The following TTC3 variants were observed in gnomAD, a reference collection of about 807,000 sequenced individuals.
The protein encoded by TTC3 is tetratricopeptide repeat domain 3.
A neutral mutation model predicts 249.6 loss-of-function variants in TTC3; 180 were observed. The observed-to-expected ratio is 0.72, with a 90% CI of 0.64 to 0.82. The LOEUF (loss-of-function observed/expected upper bound fraction) is 0.82. TTC3 is among the 40% of genes least tolerant of loss of function. The pLI is 0.00. For missense variants in TTC3, 2,061 were observed against 2,398.4 expected (o/e 0.86, Z 2.94); for synonymous variants, 717 against 805.0 (o/e 0.89, Z 1.85).
intron 28 of TTC3, among the ~76,000 whole-genome samples, chr21:37,158,557 A>G (rs945136707): frequency 2.6e-5 from 4 of 152,190 alleles, no homozygotes; most frequent in Non-Finnish European, 4.4e-5. Flanking sequence ...GTGTTTGACA[A>G]TGTCATGAGT....
At chr21:37,082,254 A>T (rs2147627753) in intron 1 of TTC3, 1 of 150,644 alleles carries the variant, frequency 6.6e-6, no homozygotes, top group East Asian at 2.0e-4. Context: ...GATTTTTGTG[A>T]CTCTATAGCT....
At position 37,073,492 on chromosome 21, in the gene TTC3, G is replaced by A; in HGVS notation, c.-12+128G>A. The A allele has an allele frequency of 2.0e-6, 2 of 986,040 alleles. No homozygotes were observed. Among genetic ancestry groups the A allele is most frequent in the Non-Finnish European group, 1.2e-6 (1 of 830,462 alleles). The allele number at this position is 986,040 out of a possible 1,614,324, so 61.1% of individuals were successfully genotyped here. ...GTGTGTGGTGAGTGTGGGTGTGTGCGCGTCTCCTCGCGTCCCTCGCTGAGG... is the reference window on the plus strand; with the variant it reads ...GTGTGTGGTGAGTGTGGGTGTGTGCACGTCTCCTCGCGTCCCTCGCTGAGG... On this transcript the variant is annotated intron_variant, in intron 1 of 45. Transcript: ENST00000355666.
chr21:37,144,774 T>C, intron 21 of TTC3, 129 bp downstream of exon 21: 1 of 1,129,036 alleles, frequency 8.9e-7, no homozygotes, highest in East Asian at 2.6e-5. Flanking sequence ...TCCCCTCTAC[T>C]GTCTAATGAG....
Position 37,200,490 on chromosome 21 carries a change from G to C in TTC3, c.5943+166G>C, listed in dbSNP as rs867832647. Among the ~76,000 whole-genome samples, 8 of 152,302 alleles carry C rather than the reference G, an allele frequency of 5.3e-5. No homozygotes were observed. The South Asian group carries it at 1.7e-3, about 32-fold the overall frequency. Reference sequence around the variant, plus strand: ...TCAGTGCCTCCCTGTCCTCACACCAGCTCTGCAGGAAGGGCAGCTCTGGAG... The same window carrying C: ...TCAGTGCCTCCCTGTCCTCACACCACCTCTGCAGGAAGGGCAGCTCTGGAG... On this transcript the variant is annotated intron_variant, in intron 45 of 45. Coordinates refer to ENST00000355666, the Ensembl canonical transcript of TTC3.
chr21:37,192,387 T>G (rs1476916182), intron 41 of TTC3, among the ~76,000 whole-genome samples, 174 bp downstream of exon 41: 1 of 152,194 alleles, frequency 6.6e-6, no homozygotes, highest in Non-Finnish European at 1.5e-5. Context: ...CATTCTTATA[T>G]AAAATAGATC....
At chr21:37,151,979 TGGA>T (rs997126120) in exon 26 of TTC3, 12 of 1,605,210 alleles carry the variant, frequency 7.5e-6, no homozygotes, top group Middle Eastern at 3.3e-4. Context: ...CAAGAAAGAA[TGGA>T]GGAGGACTTA....
chr21:37,106,081 T>G (rs2075051840), intron 10 of TTC3, among the ~76,000 whole-genome samples: 1 of 152,196 alleles, frequency 6.6e-6, no homozygotes, highest in Non-Finnish European at 1.5e-5. Flanking sequence ...CACTTACTAT[T>G]TTTCATCTTT....
chr21:37,197,892 G>C, exon 44 of TTC3: 6 of 1,612,728 alleles, frequency 3.7e-6, no homozygotes, highest in South Asian at 1.1e-5. Flanking sequence ...CCAAACCCAG[G>C]AAAGGACAAG....
intron 14 of TTC3, 93 bp from the exon 15 acceptor site, chr21:37,125,987 C>A: frequency 1.6e-6 from 2 of 1,218,668 alleles, no homozygotes; most frequent in South Asian, 1.4e-5. Context: ...TGAATTCTAT[C>A]CTATTCTATT....
chr21:37,115,322 T>C (rs956074094), intron 11 of TTC3, among the ~76,000 whole-genome samples: 1 of 152,074 alleles, frequency 6.6e-6, no homozygotes, highest in East Asian at 1.9e-4. Flanking sequence ...TGAGTAAATA[T>C]TACAATGTCA....
chr21:37,150,390 T>C (rs58847857), intron 24 of TTC3, among the ~76,000 whole-genome samples: 3,152 of 152,162 alleles, frequency 0.021, 99 homozygotes, highest in African/African-American at 0.073. Flanking sequence ...AAAGGAGGCT[T>C]TTTATATCTT....
At chr21:37,116,101 C>T (rs1228835971) in intron 11 of TTC3, among the ~76,000 whole-genome samples, 1 of 152,194 alleles carries the variant, frequency 6.6e-6, no homozygotes, top group Non-Finnish European at 1.5e-5. Context: ...TGGTTCACTT[C>T]ACTCTTGAAT....
intron 10 of TTC3, among the ~76,000 whole-genome samples, chr21:37,099,697 A>T (rs1181315990): frequency 6.6e-6 from 1 of 152,230 alleles, no homozygotes; most frequent in Non-Finnish European, 1.5e-5. Context: ...TCTCATATTC[A>T]GCTGGAGAAA....
Position 37,185,441 on chromosome 21 carries a change from A to G in TTC3, c.4758-265A>G, listed in dbSNP as rs577840610. Among the ~76,000 whole-genome samples the G allele has an allele frequency of 2.0e-5, 3 of 152,298 alleles. No individual in the cohort carries two copies. The Middle Eastern group carries it at 0.01, about 518-fold the overall frequency. On this transcript the variant is annotated intron_variant, in intron 36 of 45. Coordinates refer to ENST00000355666, the Ensembl canonical transcript of TTC3. ...CCTGTGTTCTCTGCTTGAGCTGCAC[A>G]TCTTAGACTGAGATAGGGTGATTTA...
intron 11 of TTC3, among the ~76,000 whole-genome samples, chr21:37,112,244 G>A (rs111953717): frequency 1.3e-5 from 2 of 152,142 alleles, no homozygotes; most frequent in Non-Finnish European, 2.9e-5. Context: ...CAAAAAATCA[G>A]TGAATCCAGG....
chr21:37,171,411 T>C lies in TTC3; in HGVS notation c.4468-1184T>C, dbSNP rs57295644. Among the ~76,000 whole-genome samples, 1,404 of 152,360 alleles carry C rather than the reference T, an allele frequency of 9.2e-3. 24 individuals carry two copies. Among genetic ancestry groups the C allele is most frequent in the African/African-American group, 0.032 (1,329 of 41,578 alleles). The stretch of plus-strand genomic sequence containing the variant: ...TGGGACTTTGAGAAGTTGCATCACT[T>C]GGTTCTCTGATCTATTAAAGGCAAA... On this transcript the variant is annotated intron_variant, in intron 34 of 45. Transcript: ENST00000355666.
intron 7 of TTC3, among the ~76,000 whole-genome samples, chr21:37,091,860 CG>C (rs1262841614): frequency 6.6e-5 from 10 of 152,116 alleles, no homozygotes; most frequent in Non-Finnish European, 1.5e-4. Context: ...GGATTACAGG[CG>C]TGGGCCACCG....
chr21:37,199,120 G>A (rs899350734), intron 44 of TTC3, among the ~76,000 whole-genome samples: 4 of 152,136 alleles, frequency 2.6e-5, no homozygotes, highest in Admixed American at 1.3e-4. Flanking sequence ...CTCCTGGGCC[G>A]AGTCATGCCT....
chr21:37,112,084 C>A (rs534617789), intron 11 of TTC3, among the ~76,000 whole-genome samples: 1,522 of 152,018 alleles, frequency 0.01, 22 homozygotes, highest in African/African-American at 0.035. Context: ...TAAATGCCCA[C>A]AAGAGAAAGC....
Sources: gnomAD v4.1 joint callset for allele counts (sites outside exome capture counted in the v4.1 genomes callset) on GRCh38, gnomAD v4.1.1 for gene constraint, MANE v1.5 for transcripts, NCBI Gene and HGNC (gene_info 2026-07-23, HGNC 2026-07-21) for gene names.